Variants in DCLRE1C observed in about 807,000 individuals in gnomAD.
DCLRE1C encodes the protein protein artemis.
A neutral mutation model predicts 61.4 loss-of-function variants in DCLRE1C; 47 were observed. The ratio of observed to expected loss-of-function variants is 0.77; its 90% confidence interval spans 0.61 to 0.98. The LOEUF is 0.98. Among genes scored for constraint, DCLRE1C ranks in the 50% least tolerant of loss-of-function variants. The pLI, the probability that DCLRE1C is intolerant of heterozygous loss-of-function variation, is 0.00. For synonymous variants in DCLRE1C, 337 were observed against 287.6 expected, an observed-to-expected ratio of 1.17 and a Z score of -1.74; for missense variants, 858 against 816.0, an observed-to-expected ratio of 1.05 and a Z score of -0.63.
At position 14,905,968 on chromosome 10, in the gene DCLRE1C, C is replaced by T. The variant is rs1008201106; in HGVS notation, c.*2440G>A. Among the ~76,000 whole-genome samples, 1 of 152,170 alleles carries T rather than the reference C, an allele frequency of 6.6e-6. No individual in the cohort carries two copies. Among genetic ancestry groups the T allele is most frequent in the Non-Finnish European group, 1.5e-5 (1 of 68,022 alleles). Reference sequence around the variant, plus strand: ...CTGCATTCCAGCCTGAGTGACAGAGCGAGACTCCATCTTGAAAAGTAAAAA... The same window carrying T: ...CTGCATTCCAGCCTGAGTGACAGAGTGAGACTCCATCTTGAAAAGTAAAAA... On this transcript the variant is annotated 3_prime_UTR_variant, in exon 14 of 14. Transcript: ENST00000378278.
At chr10:14,932,367 G>A (rs1839153110) in intron 9 of DCLRE1C, among the ~76,000 whole-genome samples, 1 of 152,146 alleles carries the variant, frequency 6.6e-6, no homozygotes, top group Admixed American at 6.5e-5. Context: ...GTTGGGGGTG[G>A]TGGCTCACGC....
At chr10:14,935,992 T>G (rs376460582) in intron 5 of DCLRE1C, among the ~76,000 whole-genome samples, 5 of 152,250 alleles carry the variant, frequency 3.3e-5, no homozygotes, top group African/African-American at 1.2e-4. Flanking sequence ...CACTGCAACT[T>G]CCACCTTCTG....
At chr10:14,915,310 G>A (rs773492570) in intron 13 of DCLRE1C, among the ~76,000 whole-genome samples, 16 of 151,386 alleles carry the variant, frequency 1.1e-4, no homozygotes, top group Non-Finnish European at 1.9e-4. Flanking sequence ...AAACTACCCC[G>A]TGCCAAAAAA....
chr10:14,950,456 C>G (rs917678075), intron 1 of DCLRE1C, among the ~76,000 whole-genome samples: 55 of 152,044 alleles, frequency 3.6e-4, no homozygotes, highest in African/African-American at 1.3e-3. Flanking sequence ...CAAGCACCCC[C>G]TCAATTTATA....
chr10:14,929,391 G>A (rs1014056551), intron 9 of DCLRE1C, among the ~76,000 whole-genome samples: 36 of 141,644 alleles, frequency 2.5e-4, no homozygotes, highest in African/African-American at 8.7e-4. Flanking sequence ...GCAACGGAGC[G>A]AAACTCTATC....
chr10:14,920,409 T>G (rs895953829), intron 12 of DCLRE1C: 2 of 1,010,968 alleles, frequency 2.0e-6, no homozygotes, highest in African/African-American at 1.7e-5. Flanking sequence ...GCCAACTGCC[T>G]CCTCCTGGCA....
chr10:14,937,281 C>CTTTTTT (rs1162058273), intron 4 of DCLRE1C, among the ~76,000 whole-genome samples: 12 of 110,584 alleles, frequency 1.1e-4, no homozygotes, highest in African/African-American at 1.5e-4. Flanking sequence ...AAGCTATTTA[C>CTTTTTT]TTTTTTTTTT....
intron 3 of DCLRE1C, among the ~76,000 whole-genome samples, chr10:14,940,125 T>C (rs1840622993): frequency 6.6e-6 from 1 of 152,120 alleles, no homozygotes. Context: ...TCTGTTTCCA[T>C]GAATTCATTT....
intron 9 of DCLRE1C, among the ~76,000 whole-genome samples, chr10:14,931,375 T>C (rs1040772527): frequency 6.6e-6 from 1 of 151,828 alleles, no homozygotes; most frequent in Non-Finnish European, 1.5e-5. Flanking sequence ...CTGGCCAATA[T>C]GGTGAAACCC....
intron 2 of DCLRE1C, among the ~76,000 whole-genome samples, chr10:14,946,683 G>T (rs1414309939): frequency 6.6e-6 from 1 of 151,586 alleles, no homozygotes; most frequent in Non-Finnish European, 1.5e-5. Flanking sequence ...TTTTTTAGGG[G>T]GAGGGGAGCT....
At chr10:14,925,704 C>T (rs1390324803) in intron 11 of DCLRE1C, among the ~76,000 whole-genome samples, 5 of 152,152 alleles carry the variant, frequency 3.3e-5, no homozygotes, top group South Asian at 4.1e-4. Flanking sequence ...ACAGTCCTCC[C>T]GTGCTTAGGA....
chr10:14,928,147 C>G lies in DCLRE1C; in HGVS notation c.786G>C (p.Glu262Asp). The G allele has an allele frequency of 6.2e-7, 1 of 1,612,970 alleles. No individual in the cohort carries two copies. Among genetic ancestry groups the G allele is most frequent in the African/African-American group, 1.3e-5 (1 of 74,920 alleles). The change falls in exon 10 of 14, where the codon GAG (glutamate) becomes GAC (aspartate). Residue 262 changes from glutamate to aspartate, a missense_variant. Physicochemically the swap from Glu to Asp is conservative, Grantham distance 45 (BLOSUM62 2). Around this residue, in one of 2 missense-constraint regions of DCLRE1C, gnomAD observed 843 missense variants for 783.5 expected, o/e 1.08. Coordinates refer to ENST00000378278, the MANE Select transcript of DCLRE1C (RefSeq NM_001033855.3). ...GTAATTTGCTCCACTGAAAATATTCCTCTGCCTAAAAAAGATAAAAAGCAT... is the reference window on the plus strand; with the variant it reads ...GTAATTTGCTCCACTGAAAATATTCGTCTGCCTAAAAAAGATAAAAAGCAT... The part of the protein sequence containing the change: ...QIHACRHPKA[E>D]EYFQWSKLPC...
At chr10:14,935,109 C>T (rs566853864) in intron 6 of DCLRE1C, among the ~76,000 whole-genome samples, 49 of 152,108 alleles carry the variant, frequency 3.2e-4, no homozygotes, top group African/African-American at 1.0e-3. Context: ...CAGGCCAGAA[C>T]TCCCAAAGTG....
At position 14,908,617 on chromosome 10, in the gene DCLRE1C, G is replaced by A. The variant is rs11259389; in HGVS notation, c.1870C>T (p.Leu624=). ...IVPSTGEPTT[L]SSETHIPEEK... ...TCGGGTATATGTGTCTCACTGCTTAGAGTAGTTGGTTCTCCAGTACTAGGA... is the reference window on the plus strand; with the variant it reads ...TCGGGTATATGTGTCTCACTGCTTAAAGTAGTTGGTTCTCCAGTACTAGGA... Residue 624 remains leucine (L), a synonymous_variant, in exon 14 of 14, where the codon CTA becomes TTA. Transcript: ENST00000378278. 1 of 1,614,160 alleles carries A rather than the reference G, an allele frequency of 6.2e-7. No individual in the cohort carries two copies. The highest frequency in any genetic ancestry group is 8.5e-7 in the Non-Finnish European group (1 of 1,180,012).
At position 14,908,285 on chromosome 10, in the gene DCLRE1C, G is replaced by A; in HGVS notation, c.*123C>T. Reference sequence around the variant, plus strand: ...CAAAGTGCTGGGATTACAAGTGTGAGCCACCACACCCAACCAGGTTATTTG... The same window carrying A: ...CAAAGTGCTGGGATTACAAGTGTGAACCACCACACCCAACCAGGTTATTTG... On this transcript the variant is annotated 3_prime_UTR_variant, in exon 14 of 14. Transcript: ENST00000378278. 1.2e-6 allele frequency: 1 copy of A among 811,236 alleles called. No homozygotes were observed. The highest frequency in any genetic ancestry group is 2.0e-6 in the Non-Finnish European group (1 of 501,782). 50.3% of individuals were successfully genotyped at this position (811,236 alleles called of 1,614,324 possible).
intron 13 of DCLRE1C, among the ~76,000 whole-genome samples, chr10:14,916,044 C>T (rs755932587): frequency 7.2e-5 from 11 of 152,048 alleles, no homozygotes; most frequent in Non-Finnish European, 1.2e-4. Context: ...AGACAAAACC[C>T]ATTATCCATT....
At chr10:14,928,661 G>C (rs41298874) in intron 9 of DCLRE1C, among the ~76,000 whole-genome samples, 1 of 152,066 alleles carries the variant, frequency 6.6e-6, no homozygotes, top group African/African-American at 2.4e-5. Flanking sequence ...TTGGGGTGAC[G>C]TACCATGGAG....
chr10:14,898,198 G>C lies in DCLRE1C; in HGVS notation c.*966C>G, dbSNP rs187219999. On this transcript the variant is annotated 3_prime_UTR_variant, in exon 14 of 14. Transcript: ENST00000378289. ...CTCCAAAACTCAGTGAGGTAGTACT[G>C]TTTCTTTTTTTTTTTTTTTTTTTTT... The C allele has an allele frequency of 1.3e-3, 82 of 64,416 alleles. 2 individuals are homozygous for C. The Admixed American group carries it at 0.013, about 10-fold the overall frequency. 4.0% of individuals were successfully genotyped at this position (64,416 alleles called of 1,614,324 possible).
In DCLRE1C at chr10:14,905,068, T is replaced by C. The variant is rs1297421697; in HGVS notation, c.*3340A>G. Among the ~76,000 whole-genome samples, 2 of 152,248 alleles carry C rather than the reference T, an allele frequency of 1.3e-5. No homozygotes were observed. The highest frequency in any genetic ancestry group is 4.8e-5 in the African/African-American group (2 of 41,470). ...TTACCATGGCTTAGCTTTGTTTCTGTTTTACAGTCATTTCCAGTAAGACTA... is the reference window on the plus strand; with the variant it reads ...TTACCATGGCTTAGCTTTGTTTCTGCTTTACAGTCATTTCCAGTAAGACTA... On this transcript the variant is annotated 3_prime_UTR_variant, in exon 14 of 14. Coordinates refer to ENST00000378278, the MANE Select transcript of DCLRE1C (RefSeq NM_001033855.3).
Sources: allele counts gnomAD v4.1 joint callset (sites outside exome capture counted in the v4.1 genomes callset), GRCh38; gene constraint gnomAD v4.1.1; regional missense constraint gnomAD v4.1.1; transcripts MANE v1.5; gene names NCBI Gene and HGNC (gene_info 2026-07-23, HGNC 2026-07-21).